CNTNAP5: variants seen among roughly 807,000 people sequenced by gnomAD.
CNTNAP5 encodes contactin-associated protein-like 5.
Under a neutral mutation model 150.2 loss-of-function variants are expected in CNTNAP5, and 72 were observed. The observed-to-expected ratio is 0.48, with a 90% CI of 0.40 to 0.58. The LOEUF (loss-of-function observed/expected upper bound fraction) is 0.58, where lower values mean the gene tolerates loss of function less well. CNTNAP5 is among the 20% of genes least tolerant of loss of function. The pLI, the probability that CNTNAP5 is intolerant of heterozygous loss-of-function variation, is 0.00. For missense variants in CNTNAP5, 1,636 were observed against 1,626.2 expected (o/e 1.01, Z -0.10); for synonymous variants, 672 against 619.8 (o/e 1.08, Z -1.25).
At position 124,786,906 on chromosome 2, in the gene CNTNAP5, C is replaced by A. The variant is rs184788288; in HGVS notation, c.2753-2996C>A. Among the ~76,000 whole-genome samples the A allele has an allele frequency of 2.6e-5, 4 of 152,258 alleles. No homozygotes were observed. In the East Asian group the frequency reaches 7.7e-4, roughly 29 times the overall value. On this transcript the variant is annotated intron_variant, in intron 17 of 23. Coordinates refer to ENST00000682447, the MANE Select transcript of CNTNAP5 (RefSeq NM_001367498.1). ...TTCTCCTTTGTAAAGACTAAAACAG[C>A]CAGGTAAAAATGGAAATTTAGTTCA...
intron 21 of CNTNAP5, among the ~76,000 whole-genome samples, chr2:124,879,490 G>A (rs981543883): frequency 6.6e-6 from 1 of 152,112 alleles, no homozygotes; most frequent in African/African-American, 2.4e-5. Flanking sequence ...ACGAATGTGT[G>A]TGGTAGTGAG....
chr2:124,387,112 T>A (rs1183040783), intron 3 of CNTNAP5, among the ~76,000 whole-genome samples: 1 of 152,206 alleles, frequency 6.6e-6, no homozygotes, highest in Non-Finnish European at 1.5e-5. Flanking sequence ...TGTATTGTTA[T>A]GTTTAAGCAA....
chr2:124,040,418 T>C (rs1681335838), intron 1 of CNTNAP5, among the ~76,000 whole-genome samples: 1 of 152,144 alleles, frequency 6.6e-6, no homozygotes. Context: ...TATCTAATTA[T>C]ATAAAGAATA....
chr2:124,422,387 G>A (rs897758555), intron 4 of CNTNAP5, among the ~76,000 whole-genome samples: 5 of 152,084 alleles, frequency 3.3e-5, no homozygotes, highest in Admixed American at 2.6e-4. Context: ...TAAGATACCA[G>A]GCATCTTGCA....
rs1309799208 is a variant in CNTNAP5, at chr2:124,911,535, G to A, written c.3724G>A (p.Gly1242Arg). 5 of 1,593,414 alleles carry A rather than the reference G, an allele frequency of 3.1e-6. No homozygotes were observed. In the African/African-American group the frequency reaches 5.4e-5, roughly 17 times the overall value. Residue 1242 changes from glycine (G) to arginine (R), a missense_variant, in exon 23 of 24, where the codon GGA (glycine) becomes AGA (arginine). Coordinates refer to ENST00000682447, the MANE Select transcript of CNTNAP5 (RefSeq NM_001367498.1). ...TGTTCGAAGTGATTCGGCAGTCATCGGAGGTAAACAATTCATTGTTGTTGA... is the reference window on the plus strand; with the variant it reads ...TGTTCGAAGTGATTCGGCAGTCATCAGAGGTAAACAATTCATTGTTGTTGA... ...NAVRSDSAVI[G>R]GVIAVVIFII...
intron 13 of CNTNAP5, among the ~76,000 whole-genome samples, chr2:124,701,481 A>G (rs1255299736): frequency 6.6e-6 from 1 of 152,180 alleles, no homozygotes; most frequent in Non-Finnish European, 1.5e-5. Context: ...ATGCTGCTGT[A>G]AGCATGGGAG....
chr2:124,110,699 G>A (rs746231175), intron 1 of CNTNAP5, among the ~76,000 whole-genome samples: 1 of 152,176 alleles, frequency 6.6e-6, no homozygotes, highest in Non-Finnish European at 1.5e-5. Flanking sequence ...AAGTAGCTTA[G>A]GTAGTTTCCG....
At chr2:124,447,554 C>A (rs1692852102) in intron 6 of CNTNAP5, among the ~76,000 whole-genome samples, 1 of 152,166 alleles carries the variant, frequency 6.6e-6, no homozygotes, top group African/African-American at 2.4e-5. Flanking sequence ...CTGCTGTACA[C>A]CAGGCTCTGC....
At chr2:124,550,907 G>T (rs1695613185) in intron 10 of CNTNAP5, among the ~76,000 whole-genome samples, 1 of 152,056 alleles carries the variant, frequency 6.6e-6, no homozygotes, top group Non-Finnish European at 1.5e-5. Flanking sequence ...ATTTTCATAG[G>T]CTCAGGTGGT....
At chr2:124,299,589 T>A (rs1224546190) in intron 3 of CNTNAP5, among the ~76,000 whole-genome samples, 1 of 151,726 alleles carries the variant, frequency 6.6e-6, no homozygotes, top group East Asian at 2.0e-4. Context: ...AGTCTATCAT[T>A]GATGAGCATT....
chr2:124,100,901 G>A (rs1304605212), intron 1 of CNTNAP5, among the ~76,000 whole-genome samples: 1 of 147,926 alleles, frequency 6.8e-6, no homozygotes. Flanking sequence ...AGATAAAGTT[G>A]ATGTTTGGGA....
chr2:124,633,203 C>G (rs990623639), intron 12 of CNTNAP5, among the ~76,000 whole-genome samples: 1 of 152,108 alleles, frequency 6.6e-6, no homozygotes, highest in Non-Finnish European at 1.5e-5. Flanking sequence ...CTCATGTTAA[C>G]ATTAACTCAA....
chr2:124,220,482 A>G (rs1002570554), intron 1 of CNTNAP5, among the ~76,000 whole-genome samples: 2 of 152,130 alleles, frequency 1.3e-5, no homozygotes, highest in African/African-American at 4.8e-5. Context: ...GGGTCCCACA[A>G]AATGTGTGTC....
intron 1 of CNTNAP5, among the ~76,000 whole-genome samples, chr2:124,049,373 C>T (rs537019213): frequency 6.6e-6 from 1 of 152,308 alleles, no homozygotes; most frequent in South Asian, 2.1e-4. Flanking sequence ...GCAGTAGTTC[C>T]TGTCTAAGTC....
chr2:124,709,802 G>T (rs1302680914), intron 13 of CNTNAP5, among the ~76,000 whole-genome samples: 1 of 151,978 alleles, frequency 6.6e-6, no homozygotes, highest in Non-Finnish European at 1.5e-5. Flanking sequence ...ATTAAATATT[G>T]AATAGATCTG....
intron 3 of CNTNAP5, among the ~76,000 whole-genome samples, chr2:124,330,893 G>A (rs892164456): frequency 1.8e-4 from 28 of 152,140 alleles, no homozygotes; most frequent in African/African-American, 5.3e-4. Context: ...AATCAGCAAC[G>A]TTTCAAACAA....
At chr2:124,641,314 A>G (rs1678089362) in intron 12 of CNTNAP5, among the ~76,000 whole-genome samples, 1 of 151,918 alleles carries the variant, frequency 6.6e-6, no homozygotes, top group Non-Finnish European at 1.5e-5. Flanking sequence ...ATGTCCAGGA[A>G]TCCAGTGGGT....
At chr2:124,326,487 T>C (rs1017400013) in intron 3 of CNTNAP5, among the ~76,000 whole-genome samples, 1 of 152,110 alleles carries the variant, frequency 6.6e-6, no homozygotes, top group African/African-American at 2.4e-5. Context: ...AAAAACAAAA[T>C]AATATTTTAT....
At chr2:124,875,490 T>C (rs1677835380) in intron 21 of CNTNAP5, among the ~76,000 whole-genome samples, 2 of 152,046 alleles carry the variant, frequency 1.3e-5, no homozygotes, top group South Asian at 4.1e-4. Context: ...TGTGTGACCT[T>C]GGTGAATTTA....
Sources: gnomAD v4.1 joint callset for allele counts (sites outside exome capture counted in the v4.1 genomes callset) on GRCh38, gnomAD v4.1.1 for gene constraint, MANE v1.5 for transcripts, NCBI Gene and HGNC (gene_info 2026-07-23, HGNC 2026-07-21) for gene names.